The following MALRD1 variants were observed in gnomAD, a reference collection of about 807,000 sequenced individuals.
The protein encoded by MALRD1 is MAM and LDL receptor class A domain containing 1.
MALRD1 carries 247 observed loss-of-function variants against 242.1 expected under a neutral mutation model. The ratio of observed to expected loss-of-function variants is 1.02; its 90% confidence interval spans 0.92 to 1.13. The LOEUF is 1.13. Among genes scored for constraint, MALRD1 ranks in the 50% most tolerant of loss-of-function variants. The pLI is 0.00. For synonymous variants in MALRD1, 995 were observed against 866.6 expected (o/e 1.15, Z -2.60); for missense variants, 2,989 against 2,533.1 (o/e 1.18, Z -3.86).
At chr10:19,324,213 C>T (rs752421722) in intron 22 of MALRD1, 108 bp downstream of exon 22, 16 of 1,084,146 alleles carry the variant, frequency 1.5e-5, no homozygotes, top group Non-Finnish European at 2.0e-5. Context: ...TGGACAATTA[C>T]CAACACTTCA....
chr10:19,348,201 A>T (rs183590316), intron 25 of MALRD1, among the ~76,000 whole-genome samples, 183 bp downstream of exon 25: 1 of 152,180 alleles, frequency 6.6e-6, no homozygotes, highest in Non-Finnish European at 1.5e-5. Context: ...GGATTGCTAT[A>T]ACTGTTGGAA....
At position 19,283,149 on chromosome 10, in the gene MALRD1, A is replaced by G. The variant is rs1377976991; in HGVS notation, c.3387A>G (p.Glu1129=). ...ACGGGATCAGCATTCATCATGGGGAAGAAAACCACAGGCCATCAGTGGATC... is the reference window on the plus strand; with the variant it reads ...ACGGGATCAGCATTCATCATGGGGAGGAAAACCACAGGCCATCAGTGGATC... ...LGNGISIHHG[E]ENHRPSVDHT... The change falls in exon 21 of 40, where the codon GAA becomes GAG. Residue 1129 remains glutamate (E), a synonymous_variant. Transcript: ENST00000454679. 1.3e-6 allele frequency: 2 copies of G among 1,548,718 alleles called. No individual in the cohort carries two copies. The highest frequency in any genetic ancestry group is 2.4e-5 in the South Asian group (2 of 83,888).
intron 14 of MALRD1, among the ~76,000 whole-genome samples, chr10:19,195,835 G>A (rs1836213933): frequency 6.6e-6 from 1 of 151,962 alleles, no homozygotes; most frequent in Middle Eastern, 3.2e-3. Context: ...TGTGTTCTCG[G>A]TGCTACCCAG....
At chr10:19,175,353 CT>C in intron 14 of MALRD1, 25 bp downstream of exon 14, 1 of 1,224,898 alleles carries the variant, frequency 8.2e-7, no homozygotes, top group Middle Eastern at 3.2e-4. Flanking sequence ...GTCGTTGTTG[CT>C]GTTTTAAACA....
At chr10:19,444,521 C>T (rs546237738) in intron 28 of MALRD1, among the ~76,000 whole-genome samples, 123 of 152,148 alleles carry the variant, frequency 8.1e-4, no homozygotes, top group Non-Finnish European at 1.4e-3. Context: ...AAAATCTCTC[C>T]GCATTTGCTT....
At chr10:19,661,701 G>T (rs1424307696) in intron 36 of MALRD1, among the ~76,000 whole-genome samples, 2 of 152,042 alleles carry the variant, frequency 1.3e-5, no homozygotes, top group Non-Finnish European at 2.9e-5. Context: ...GAGTTAATGG[G>T]TGCAGCACAC....
intron 11 of MALRD1, among the ~76,000 whole-genome samples, chr10:19,148,256 T>G (rs1175701131): frequency 6.6e-6 from 1 of 151,838 alleles, no homozygotes; most frequent in Non-Finnish European, 1.5e-5. Context: ...GGTGGTCTGA[T>G]GTGAGCATAC....
At chr10:19,444,299 C>T (rs1394967143) in intron 28 of MALRD1, among the ~76,000 whole-genome samples, 5 of 152,224 alleles carry the variant, frequency 3.3e-5, no homozygotes, top group Admixed American at 1.3e-4. Flanking sequence ...GAACATTGAG[C>T]CCATTTACAT....
At chr10:19,180,745 G>T (rs1402233489) in intron 14 of MALRD1, among the ~76,000 whole-genome samples, 1 of 152,116 alleles carries the variant, frequency 6.6e-6, no homozygotes, top group Non-Finnish European at 1.5e-5. Flanking sequence ...AAAGGCTTCT[G>T]CACAGTAAAG....
At chr10:19,176,834 A>C (rs531300005) in intron 14 of MALRD1, among the ~76,000 whole-genome samples, 106 of 148,304 alleles carry the variant, frequency 7.1e-4, no homozygotes, top group Non-Finnish European at 1.5e-3. Context: ...GTGTGTGTGC[A>C]TGCCTGTGTG....
intron 22 of MALRD1, among the ~76,000 whole-genome samples, chr10:19,324,769 A>T (rs1843047261): frequency 6.6e-6 from 1 of 151,952 alleles, no homozygotes; most frequent in Non-Finnish European, 1.5e-5. Flanking sequence ...AAAAGCCCAT[A>T]GCCAAGTCAT....
At chr10:19,605,692 A>G (rs189990256) in intron 34 of MALRD1, among the ~76,000 whole-genome samples, 153 of 152,138 alleles carry the variant, frequency 1.0e-3, no homozygotes, top group Non-Finnish European at 1.9e-3. Context: ...TTCAGCCTTT[A>G]TAGATCTCCG....
chr10:19,530,360 TATATAA>T (rs1238986984), intron 31 of MALRD1, among the ~76,000 whole-genome samples: 1 of 109,022 alleles, frequency 9.2e-6, no homozygotes, highest in Admixed American at 9.7e-5. Context: ...ATATAATATT[TATATAA>T]ATATTTATAT....
chr10:19,317,711 C>A (rs1842763112), intron 21 of MALRD1, among the ~76,000 whole-genome samples: 1 of 151,878 alleles, frequency 6.6e-6, no homozygotes, highest in Non-Finnish European at 1.5e-5. Flanking sequence ...ATTAGAGTAA[C>A]TACTCAGGAG....
At chr10:19,300,388 A>G (rs1841891428) in intron 21 of MALRD1, among the ~76,000 whole-genome samples, 1 of 152,010 alleles carries the variant, frequency 6.6e-6, no homozygotes, top group Non-Finnish European at 1.5e-5. Flanking sequence ...TGCAATCAAA[A>G]AAGAGCCTGA....
intron 35 of MALRD1, among the ~76,000 whole-genome samples, chr10:19,611,327 C>T (rs1838883722): frequency 6.6e-6 from 1 of 151,980 alleles, no homozygotes; most frequent in Admixed American, 6.6e-5. Context: ...TGTCACTTCC[C>T]TAGTCTCTGC....
chr10:19,404,329 T>A (rs1044921351), intron 28 of MALRD1, among the ~76,000 whole-genome samples: 4 of 152,060 alleles, frequency 2.6e-5, no homozygotes, highest in African/African-American at 9.7e-5. Flanking sequence ...TTTAAGCAGA[T>A]ATCTCCGTAC....
At chr10:19,567,236 C>T (rs1014957531) in intron 32 of MALRD1, among the ~76,000 whole-genome samples, 1 of 152,048 alleles carries the variant, frequency 6.6e-6, no homozygotes, top group African/African-American at 2.4e-5. Context: ...TTTTTAAATG[C>T]TTAAGACAGT....
At chr10:19,505,825 G>A (rs1346612538) in intron 31 of MALRD1, among the ~76,000 whole-genome samples, 3 of 152,096 alleles carry the variant, frequency 2.0e-5, no homozygotes, top group African/African-American at 7.2e-5. Flanking sequence ...ATCTGCCTGG[G>A]GAAAGATAAT....
Sources: gnomAD v4.1 joint callset for allele counts (sites outside exome capture counted in the v4.1 genomes callset) on GRCh38, gnomAD v4.1.1 for gene constraint, MANE v1.5 for transcripts, NCBI Gene and HGNC (gene_info 2026-07-23, HGNC 2026-07-21) for gene names.